Variants in KCNN3 observed in about 807,000 individuals in gnomAD.
KCNN3 encodes the protein potassium calcium-activated channel subfamily N member 3.
KCNN3 carries 16 observed loss-of-function variants against 62.9 expected under a neutral mutation model. The observed-to-expected ratio is 0.25, with a 90% CI of 0.17 to 0.39. KCNN3 has a LOEUF of 0.39. Ranked by LOEUF, KCNN3 falls within the 10% of genes least tolerant of loss-of-function variation. KCNN3 has a pLI of 1.00. For missense variants in KCNN3, 599 were observed against 949.4 expected (o/e 0.63, Z 4.85); for synonymous variants, 370 against 389.2 (o/e 0.95, Z 0.58).
At chr1:154,714,051 G>T (rs370654772) in intron 6 of KCNN3, among the ~76,000 whole-genome samples, 2 of 73,942 alleles carry the variant, frequency 2.7e-5, no homozygotes, top group South Asian at 4.4e-4. Flanking sequence ...GTGTGTGCGG[G>T]GTGTGTGTGT....
chr1:154,802,189 G>C (rs1029239412), intron 2 of KCNN3, among the ~76,000 whole-genome samples: 1 of 152,198 alleles, frequency 6.6e-6, no homozygotes, highest in Non-Finnish European at 1.5e-5. Context: ...GAGGCAGAGA[G>C]GTTTAAACAA....
At chr1:154,843,174 G>A (rs560461453) in intron 1 of KCNN3, among the ~76,000 whole-genome samples, 1 of 151,940 alleles carries the variant, frequency 6.6e-6, no homozygotes, top group Non-Finnish European at 1.5e-5. Flanking sequence ...TAGCCTTGAC[G>A]GTCTGCTTGG....
In KCNN3 at chr1:154,870,201, G is replaced by A. The variant is rs181404879; in HGVS notation, c.-237C>T. On this transcript the variant is annotated 5_prime_UTR_variant, in exon 1 of 8. Coordinates refer to ENST00000271915, the MANE Select transcript of KCNN3 (RefSeq NM_002249.6). ...AGGAGGGGAGCTTGGAGAAAGAAGA[G>A]GGGGTGAAAGAACTCTCTCAGGAGG... The A allele has an allele frequency of 2.8e-5, 19 of 690,098 alleles. 1 individual carries two copies. In the East Asian group the frequency reaches 3.9e-4, roughly 14 times the overall value. 42.7% of individuals were successfully genotyped at this position (690,098 alleles called of 1,614,324 possible).
At chr1:154,733,399 G>T (rs780595967) in intron 3 of KCNN3, among the ~76,000 whole-genome samples, 2 of 152,130 alleles carry the variant, frequency 1.3e-5, no homozygotes, top group African/African-American at 2.4e-5. Flanking sequence ...GTCATGATTT[G>T]CACCTCATTG....
chr1:154,851,225 C>A (rs971580148), intron 1 of KCNN3, among the ~76,000 whole-genome samples: 1 of 152,204 alleles, frequency 6.6e-6, no homozygotes, highest in Non-Finnish European at 1.5e-5. Context: ...GATCCACCCG[C>A]CTCGGCCTCC....
intron 6 of KCNN3, among the ~76,000 whole-genome samples, chr1:154,713,793 G>C (rs544358336): frequency 6.6e-6 from 1 of 152,016 alleles, no homozygotes; most frequent in African/African-American, 2.4e-5. Flanking sequence ...CTATGCCTGG[G>C]CTGCACCTTC....
intron 2 of KCNN3, among the ~76,000 whole-genome samples, chr1:154,807,846 GT>G (rs1373220876): frequency 6.6e-6 from 1 of 152,020 alleles, no homozygotes; most frequent in Admixed American, 6.5e-5. Context: ...TGGGAGGGGT[GT>G]TTTTCCATTC....
Position 154,703,042 on chromosome 1 carries a change from G to T in KCNN3, c.*4934C>A, listed in dbSNP as rs570035690. 4.6e-5 allele frequency: 7 copies of T among 151,808 alleles called. No individual in the cohort carries two copies. The highest frequency in any genetic ancestry group is 1.0e-4 in the Non-Finnish European group (7 of 67,988). The allele number at this position is 151,808 out of a possible 1,614,324, so 9.4% of individuals were successfully genotyped here. A position where few individuals can be genotyped will look rare whatever the true frequency, so the allele number is the denominator to read the frequency against. On this transcript the variant is annotated 3_prime_UTR_variant, in exon 8 of 8. Coordinates refer to ENST00000271915, the MANE Select transcript of KCNN3 (RefSeq NM_002249.6). ...TCACGTTTGGGTGTTTCCAGTAATGGCGTAAGACAAAAAGATCACAGTTAT... is the reference window on the plus strand; with the variant it reads ...TCACGTTTGGGTGTTTCCAGTAATGTCGTAAGACAAAAAGATCACAGTTAT...
At chr1:154,789,671 G>A (rs1282983814) in intron 2 of KCNN3, among the ~76,000 whole-genome samples, 2 of 152,178 alleles carry the variant, frequency 1.3e-5, no homozygotes, top group Admixed American at 6.5e-5. Context: ...CCATCGGAGA[G>A]GCGGCACTCA....
intron 2 of KCNN3, among the ~76,000 whole-genome samples, chr1:154,784,336 C>G (rs975789749): frequency 6.6e-6 from 1 of 152,160 alleles, no homozygotes; most frequent in Non-Finnish European, 1.5e-5. Flanking sequence ...CCAAAAGGGC[C>G]TTTTCCCACC....
chr1:154,836,687 G>T (rs1009064100), intron 1 of KCNN3, among the ~76,000 whole-genome samples: 2 of 152,182 alleles, frequency 1.3e-5, no homozygotes, highest in South Asian at 2.1e-4. Context: ...CATCCCTCTC[G>T]CACTATTCCT....
intron 3 of KCNN3, among the ~76,000 whole-genome samples, chr1:154,744,593 A>G (rs1354698806): frequency 6.6e-6 from 1 of 152,196 alleles, no homozygotes; most frequent in Non-Finnish European, 1.5e-5. Context: ...CCTGAATTAG[A>G]AGCTATTATG....
At chr1:154,847,165 C>T (rs1652105437) in intron 1 of KCNN3, among the ~76,000 whole-genome samples, 1 of 152,048 alleles carries the variant, frequency 6.6e-6, no homozygotes, top group African/African-American at 2.4e-5. Context: ...GCACGTGCTG[C>T]TGCTTTCACA....
At position 154,782,817 on chromosome 1, in the gene KCNN3, G is replaced by T. The variant is rs948205321; in HGVS notation, c.1030-10424C>A. ...AGGTTCAATCAATTGCCTGGGGCTT[G>T]CAGCATTCTGTGTCTTCCAAGTCCC... On this transcript the variant is annotated intron_variant, in intron 2 of 7. Transcript: ENST00000271915. Among the ~76,000 whole-genome samples, 5 of 152,350 alleles carry T rather than the reference G, an allele frequency of 3.3e-5. No homozygotes were observed. The East Asian group carries it at 9.6e-4, about 29-fold the overall frequency.
chr1:154,817,934 G>T (rs1319300219), intron 2 of KCNN3, among the ~76,000 whole-genome samples: 1 of 152,198 alleles, frequency 6.6e-6, no homozygotes, highest in East Asian at 1.9e-4. Flanking sequence ...TGTTTTGTGT[G>T]TGGAGCCAGG....
At chr1:154,760,754 C>A (rs1647967390) in intron 3 of KCNN3, among the ~76,000 whole-genome samples, 1 of 152,196 alleles carries the variant, frequency 6.6e-6, no homozygotes, top group Admixed American at 6.5e-5. Flanking sequence ...TGGCGCCTGC[C>A]TCGATCACAC....
chr1:154,808,309 C>T (rs919860641), intron 2 of KCNN3, among the ~76,000 whole-genome samples: 3 of 152,170 alleles, frequency 2.0e-5, no homozygotes, highest in Non-Finnish European at 2.9e-5. Flanking sequence ...CTGCATGCCT[C>T]CCATTCCGCA....
intron 1 of KCNN3, among the ~76,000 whole-genome samples, chr1:154,825,871 A>C (rs1446704417): frequency 1.3e-5 from 2 of 150,976 alleles, no homozygotes; most frequent in Admixed American, 1.3e-4. Context: ...ACACAGTGAA[A>C]CCTCATCTCT....
chr1:154,824,455 C>A (rs1326120493), intron 1 of KCNN3, among the ~76,000 whole-genome samples: 1 of 152,214 alleles, frequency 6.6e-6, no homozygotes, highest in Non-Finnish European at 1.5e-5. Context: ...TGCTACCCAA[C>A]CACAAGACCC....
Sources: allele counts gnomAD v4.1 joint callset (sites outside exome capture counted in the v4.1 genomes callset), GRCh38; gene constraint gnomAD v4.1.1; transcripts MANE v1.5; gene names NCBI Gene and HGNC (gene_info 2026-07-23, HGNC 2026-07-21).